The following RREB1 variants were observed in gnomAD, a reference collection of about 807,000 sequenced individuals.
RREB1 encodes ras-responsive element-binding protein 1.
Under a neutral mutation model 117.8 loss-of-function variants are expected in RREB1, and 27 were observed. The ratio of observed to expected loss-of-function variants is 0.23; its 90% confidence interval spans 0.17 to 0.32. RREB1 has a LOEUF of 0.32. Ranked by LOEUF, RREB1 falls within the 10% of genes least tolerant of loss-of-function variation. The pLI is 1.00. For missense variants in RREB1, 2,577 were observed against 2,378.2 expected (o/e 1.08, Z -1.74); for synonymous variants, 1,298 against 1,026.7 (o/e 1.26, Z -5.05).
chr6:7,208,950 C>A (rs566956344), intron 6 of RREB1, among the ~76,000 whole-genome samples: 1 of 152,272 alleles, frequency 6.6e-6, no homozygotes, highest in African/African-American at 2.4e-5. Context: ...TAGGTCGGCT[C>A]AAGCTCTGAG....
At chr6:7,241,988 GCTGCAGACCATC>G (rs1446759488) in intron 11 of RREB1, among the ~76,000 whole-genome samples, 3 of 152,230 alleles carry the variant, frequency 2.0e-5, no homozygotes, top group Non-Finnish European at 4.4e-5. Context: ...GCACGCGTTT[GCTGCAGACCATC>G]CTGTTAATGT....
At chr6:7,177,242 A>AG (rs1385663591) in intron 2 of RREB1, among the ~76,000 whole-genome samples, 3 of 147,950 alleles carry the variant, frequency 2.0e-5, no homozygotes, top group African/African-American at 7.5e-5. Context: ...AAAAAAAAAA[A>AG]GGAGGAAAGA....
chr6:7,195,776 C>T (rs948613980), intron 6 of RREB1, among the ~76,000 whole-genome samples: 13 of 152,186 alleles, frequency 8.5e-5, no homozygotes, highest in African/African-American at 3.1e-4. Context: ...CTCAGCTTCC[C>T]AGGACACCCA....
At chr6:7,152,243 T>C (rs1763158192) in intron 1 of RREB1, among the ~76,000 whole-genome samples, 1 of 152,230 alleles carries the variant, frequency 6.6e-6, no homozygotes, top group Non-Finnish European at 1.5e-5. Flanking sequence ...TAGCTCCTTA[T>C]GAAAAGTACA....
At chr6:7,247,602 C>G (rs1042024689) in intron 12 of RREB1, among the ~76,000 whole-genome samples, 1 of 152,172 alleles carries the variant, frequency 6.6e-6, no homozygotes, top group African/African-American at 2.4e-5. Flanking sequence ...AGTCCTGTGG[C>G]CTGGACGACA....
chr6:7,223,445 T>C (rs1477070597), intron 8 of RREB1, among the ~76,000 whole-genome samples: 7 of 150,252 alleles, frequency 4.7e-5, no homozygotes, highest in African/African-American at 1.7e-4. Flanking sequence ...CCTGTAATCC[T>C]AGCTACTCAG....
intron 1 of RREB1, among the ~76,000 whole-genome samples, chr6:7,157,969 G>A (rs1037131605): frequency 1.3e-5 from 2 of 152,026 alleles, no homozygotes; most frequent in African/African-American, 2.4e-5. Context: ...GTGTTTTCAT[G>A]TTCTCATCAG....
Position 7,246,553 on chromosome 6 carries a change from AGGCCACGGCGGAAAC to A in RREB1, c.4108_4122del (p.Thr1370_Ala1374del). 1 of 1,548,496 alleles carries A rather than the reference AGGCCACGGCGGAAAC, an allele frequency of 6.5e-7. No homozygotes were observed. The highest frequency in any genetic ancestry group is 1.4e-5 in the African/African-American group (1 of 73,346). ...GTCGCAGGGGATGCGCCTGTGGAGC[AGGCCACGGCGGAAAC>A]GGCCTCGCCGGTGCACCGGGAAGAG... On this transcript the variant is annotated inframe_deletion, in exon 12 of 13. Transcript: ENST00000379938.
In RREB1 at chr6:7,124,058, A is replaced by T. The variant is rs117676488; in HGVS notation, c.-285+15998A>T. ...AGTGGACACTCTGCTTTAGAAAGAG[A>T]GTGTATGCATGTTTGGTCCTGTTGC... On this transcript the variant is annotated intron_variant, in intron 1 of 12. Coordinates refer to ENST00000379938, the MANE Select transcript of RREB1 (RefSeq NM_001003699.4). Among the ~76,000 whole-genome samples, 314 of 152,220 alleles carry T rather than the reference A, an allele frequency of 2.1e-3. 6 individuals are homozygous for T. In the South Asian group the frequency reaches 0.032, roughly 16 times the overall value.
chr6:7,108,321 C>CCTCCTCCTG (rs1760933979), intron 1 of RREB1, among the ~76,000 whole-genome samples: 1 of 151,414 alleles, frequency 6.6e-6, no homozygotes, highest in Non-Finnish European at 1.5e-5. Context: ...GGCCATTCCT[C>CCTCCTCCTG]CTCCTCCTCC....
chr6:7,223,492 C>T (rs1161906256), intron 8 of RREB1, among the ~76,000 whole-genome samples: 1 of 137,768 alleles, frequency 7.3e-6, no homozygotes, highest in Non-Finnish European at 1.5e-5. Flanking sequence ...ACCGGGGAAG[C>T]AGAGGTTGCG....
chr6:7,207,533 G>T (rs1441094828), intron 6 of RREB1, among the ~76,000 whole-genome samples: 1 of 152,118 alleles, frequency 6.6e-6, no homozygotes, highest in African/African-American at 2.4e-5. Flanking sequence ...AGGAACTGAG[G>T]GTATAAACAC....
At chr6:7,179,200 AC>A (rs1297146656) in intron 2 of RREB1, among the ~76,000 whole-genome samples, 1 of 152,148 alleles carries the variant, frequency 6.6e-6, no homozygotes, top group Non-Finnish European at 1.5e-5. Flanking sequence ...AAGGTGTTTA[AC>A]CTGTTCCCAG....
chr6:7,229,043 G>A lies in RREB1; in HGVS notation c.944G>A (p.Arg315His), dbSNP rs755270177. 6 of 1,555,722 alleles carry A rather than the reference G, an allele frequency of 3.9e-6. No individual in the cohort carries two copies. Among genetic ancestry groups the A allele is most frequent in the African/African-American group, 1.4e-5 (1 of 73,092 alleles). Reference sequence around the variant, plus strand: ...CGGAGGTGCATCAGCGAGCAACACCGTTTTGTCTGCGACACCTGTGACAAG... The same window carrying A: ...CGGAGGTGCATCAGCGAGCAACACCATTTTGTCTGCGACACCTGTGACAAG... ...NLRRCISEQH[R>H]FVCDTCDKAF... is the part of the protein sequence containing the mutation. Residue 315 changes from arginine (R) to histidine (H), a missense_variant, in exon 10 of 13, where the codon CGT becomes CAT. Arg to His is a conservative substitution (Grantham distance 29). Coordinates refer to ENST00000379938, the MANE Select transcript of RREB1 (RefSeq NM_001003699.4). This position sits in a 1 kb window ranked among gnomAD's most constrained non-coding sequence, Gnocchi z 4.5.
At chr6:7,202,067 C>G (rs920889971) in intron 6 of RREB1, among the ~76,000 whole-genome samples, 1 of 152,172 alleles carries the variant, frequency 6.6e-6, no homozygotes, top group Non-Finnish European at 1.5e-5. Flanking sequence ...CATTCTCTCT[C>G]CAATCTTGGT....
At chr6:7,211,775 A>T in intron 8 of RREB1, 66 bp downstream of exon 8, 20 of 1,545,950 alleles carry the variant, frequency 1.3e-5, no homozygotes, top group Non-Finnish European at 1.6e-5. Context: ...AATGTTCTTA[A>T]GTCCCGTTAC....
chr6:7,241,356 C>CA (rs1283990504), intron 11 of RREB1, among the ~76,000 whole-genome samples: 1 of 152,160 alleles, frequency 6.6e-6, no homozygotes, highest in Non-Finnish European at 1.5e-5. Context: ...CCCCCAAGAG[C>CA]AAACAAAACG....
rs372192724 is a variant in RREB1 at position 7,242,338 on chromosome 6, A to T, written c.3973+1736A>T. 3.8e-4 allele frequency among the ~76,000 whole-genome samples: 58 copies of T among 152,372 alleles called. No individual in the cohort carries two copies. In the East Asian group the frequency reaches 9.1e-3, roughly 24 times the overall value. Reference sequence around the variant, plus strand: ...CAAGTGTATTTATAAGTTTGCAGTCATAGGTTTTGTTGTCCAAATCCCAAC... The same window carrying T: ...CAAGTGTATTTATAAGTTTGCAGTCTTAGGTTTTGTTGTCCAAATCCCAAC... On this transcript the variant is annotated intron_variant, in intron 11 of 12. Transcript: ENST00000379938.
At chr6:7,228,931 C>T (rs983568373) in intron 9 of RREB1, 66 bp from the exon 10 acceptor site, 6 of 1,375,258 alleles carry the variant, frequency 4.4e-6, no homozygotes, top group African/African-American at 4.3e-5. Context: ...TGTGCATCTC[C>T]GTTTAGTGAT....
Sources: gnomAD v4.1 joint callset for allele counts (sites outside exome capture counted in the v4.1 genomes callset) on GRCh38, gnomAD v4.1.1 for gene constraint, Gnocchi (gnomAD v3.1) non-coding constraint, MANE v1.5 for transcripts, NCBI Gene and HGNC (gene_info 2026-07-23, HGNC 2026-07-21) for gene names.